MYT1L: variants seen among roughly 807,000 people sequenced by gnomAD.
The protein encoded by MYT1L is myelin transcription factor 1-like protein.
Under a neutral mutation model 126.7 loss-of-function variants are expected in MYT1L, and 12 were observed. The ratio of observed to expected loss-of-function variants is 0.09; its 90% CI spans 0.06 to 0.15. The LOEUF (loss-of-function observed/expected upper bound fraction) is 0.15, where lower values mean the gene tolerates loss of function less well. MYT1L is among the 10% of genes least tolerant of loss of function. The pLI is 1.00. For synonymous variants in MYT1L, 541 were observed against 604.2 expected (o/e 0.90, Z 1.53); for missense variants, 979 against 1,585.2 (o/e 0.62, Z 6.49).
rs1211687714 is a variant in MYT1L, at chr2:1,956,528, T to G, written c.153-13194A>C. On this transcript the variant is annotated intron_variant, in intron 8 of 24. Coordinates refer to ENST00000647738, the MANE Select transcript of MYT1L (RefSeq NM_001303052.2). ...CCTATTCTATCTATCTATCTATCTA[T>G]CTATCTATCTATCTATCTATCATCT... 2.8e-5 allele frequency among the ~76,000 whole-genome samples: 4 copies of G among 141,112 alleles called. 1 individual carries two copies. The highest frequency in any genetic ancestry group is 1.2e-4 in the African/African-American group (4 of 34,666). The allele number at this position is 141,112 out of a possible 152,430, so 92.6% of individuals were successfully genotyped here.
chr2:2,082,646 A>G (rs2075960423), intron 3 of MYT1L, among the ~76,000 whole-genome samples: 1 of 152,248 alleles, frequency 6.6e-6, no homozygotes, highest in Non-Finnish European at 1.5e-5. Context: ...GTGAGGGGAC[A>G]GAGTTCCAGG....
rs754015972 is a variant in MYT1L, at chr2:1,922,409, T to C, written c.1360A>G (p.Met454Val). The part of the protein sequence containing the change: ...RAKAMREKMA[M>V]EAGRRDNMRS... Reference sequence around the variant, plus strand: ...ATATTGTCCCTCCTCCCAGCTTCCATGGCCATCTTCTCCCTCATGGCCTTT... The same window carrying C: ...ATATTGTCCCTCCTCCCAGCTTCCACGGCCATCTTCTCCCTCATGGCCTTT... Residue 454 changes from methionine to valine, a missense_variant, in exon 10 of 25, where the codon ATG (methionine) becomes GTG (valine). Around this residue, in one of 12 missense-constraint regions of MYT1L, gnomAD observed 67 missense variants for 80.3 expected, o/e 0.83. Transcript: ENST00000647738. The surrounding 1 kb of genome is among the most constrained non-coding windows in gnomAD (Gnocchi z 7.4). The C allele has an allele frequency of 6.2e-7, 1 of 1,614,044 alleles. No individual in the cohort carries two copies. Among genetic ancestry groups the C allele is most frequent in the Non-Finnish European group, 8.5e-7 (1 of 1,179,906 alleles).
intron 8 of MYT1L, among the ~76,000 whole-genome samples, chr2:1,964,128 T>A (rs1436381462): frequency 6.6e-6 from 1 of 152,170 alleles, no homozygotes; most frequent in Non-Finnish European, 1.5e-5. Flanking sequence ...CTAATTTCAA[T>A]ATTATTGTGT....
At chr2:2,094,345 G>A (rs1029733411) in intron 3 of MYT1L, among the ~76,000 whole-genome samples, 5 of 152,210 alleles carry the variant, frequency 3.3e-5, no homozygotes, top group Non-Finnish European at 5.9e-5. Context: ...TTCAACCATT[G>A]TGGAAGACAG....
Position 2,228,197 on chromosome 2 carries a change from T to G in MYT1L, c.-420-55209A>C, listed in dbSNP as rs1169458035. Among the ~76,000 whole-genome samples, 2 of 152,208 alleles carry G rather than the reference T, an allele frequency of 1.3e-5. No homozygotes were observed. The highest frequency in any genetic ancestry group is 2.4e-5 in the African/African-American group (1 of 41,454). On this transcript the variant is annotated intron_variant, in intron 2 of 24. Transcript: ENST00000647738. This position sits in a 1 kb window ranked among gnomAD's most constrained non-coding sequence, Gnocchi z 5.9. ...ATAAAAGACAGGGCAAGGGGGTGAT[T>G]CTGTAATATACATTTTGTATCAGGT...
intron 18 of MYT1L, among the ~76,000 whole-genome samples, chr2:1,874,295 C>G (rs1442382069): frequency 6.6e-6 from 1 of 152,124 alleles, no homozygotes; most frequent in Non-Finnish European, 1.5e-5. Flanking sequence ...GGTTCCCCAT[C>G]TGTGAAATGG....
At chr2:2,262,934 C>CT (rs1553610367) in intron 2 of MYT1L, among the ~76,000 whole-genome samples, 1 of 34,896 alleles carries the variant, frequency 2.9e-5, no homozygotes, top group Non-Finnish European at 5.1e-5. Flanking sequence ...ATATATATAA[C>CT]CTGTGATATA....
chr2:2,070,397 G>A (rs901601556), intron 3 of MYT1L, among the ~76,000 whole-genome samples: 1 of 152,180 alleles, frequency 6.6e-6, no homozygotes, highest in Non-Finnish European at 1.5e-5. Context: ...TCAGGGTGGG[G>A]GAAGCCACTC....
chr2:2,019,902 G>A (rs920080932), intron 4 of MYT1L, among the ~76,000 whole-genome samples: 11 of 152,080 alleles, frequency 7.2e-5, no homozygotes, highest in African/African-American at 2.7e-4. Flanking sequence ...CTGGAGTGCA[G>A]TAGCAGATCT....
intron 3 of MYT1L, among the ~76,000 whole-genome samples, chr2:2,117,052 T>C (rs2080305318): frequency 1.3e-5 from 2 of 152,302 alleles, no homozygotes; most frequent in Non-Finnish European, 2.9e-5. Flanking sequence ...GGTTTCCACA[T>C]GGCAGCAGCT....
chr2:1,957,151 A>G (rs1041409393), intron 8 of MYT1L, among the ~76,000 whole-genome samples: 1 of 152,304 alleles, frequency 6.6e-6, no homozygotes, highest in South Asian at 2.1e-4. Context: ...GATAGGGTTC[A>G]CTGGGCGCGT....
At chr2:2,246,036 C>T (rs2149180069) in intron 2 of MYT1L, among the ~76,000 whole-genome samples, 1 of 152,290 alleles carries the variant, frequency 6.6e-6, no homozygotes, top group Non-Finnish European at 1.5e-5. Context: ...TGTAAGATAA[C>T]AAATTTGCAT....
intron 8 of MYT1L, among the ~76,000 whole-genome samples, chr2:1,971,846 G>A (rs1415179278): frequency 2.0e-5 from 3 of 152,126 alleles, no homozygotes; most frequent in African/African-American, 4.8e-5. Flanking sequence ...GGGTACTCAG[G>A]CCTCTGAGCA....
At chr2:2,246,912 G>A (rs1307191994) in intron 2 of MYT1L, among the ~76,000 whole-genome samples, 1 of 152,188 alleles carries the variant, frequency 6.6e-6, no homozygotes, top group Non-Finnish European at 1.5e-5. Context: ...GAGCATGGAG[G>A]CTGAGTGTCG....
At chr2:2,226,919 A>G (rs2094024522) in intron 2 of MYT1L, among the ~76,000 whole-genome samples, 1 of 152,176 alleles carries the variant, frequency 6.6e-6, no homozygotes, top group Non-Finnish European at 1.5e-5. Context: ...TCTCCCTTCC[A>G]TATTAACAAG....
chr2:2,145,807 T>G (rs573248040), intron 3 of MYT1L, among the ~76,000 whole-genome samples: 184 of 152,378 alleles, frequency 1.2e-3, no homozygotes, highest in Non-Finnish European at 2.0e-3. Context: ...GTTAATTATA[T>G]AAATTAATTT....
intron 8 of MYT1L, among the ~76,000 whole-genome samples, chr2:1,975,157 T>C (rs1045478135): frequency 1.3e-5 from 2 of 149,686 alleles, no homozygotes; most frequent in East Asian, 3.9e-4. Flanking sequence ...CCCGTAACTA[T>C]ACAACAATCA....
At chr2:2,094,170 G>A (rs1334692229) in intron 3 of MYT1L, among the ~76,000 whole-genome samples, 1 of 152,222 alleles carries the variant, frequency 6.6e-6, no homozygotes, top group Non-Finnish European at 1.5e-5. Context: ...ACTTGGCAAT[G>A]CTTGTCATCA....
rs1021878782 is a variant in MYT1L, at chr2:1,848,771, T to C, written c.2774+2870A>G. Among the ~76,000 whole-genome samples, 83 of 152,150 alleles carry C rather than the reference T, an allele frequency of 5.5e-4. No individual in the cohort carries two copies. The highest frequency in any genetic ancestry group is 1.9e-3 in the African/African-American group (79 of 41,446). ...TTTTGCTGGGGCCTCCATCTTCCTT[T>C]AGCGGGGGCTTTATGTAAGGACTGT... On this transcript the variant is annotated intron_variant, in intron 19 of 24. Coordinates refer to ENST00000647738, the MANE Select transcript of MYT1L (RefSeq NM_001303052.2). This position sits in a 1 kb window ranked among gnomAD's most constrained non-coding sequence, Gnocchi z 4.8.
Sources: allele counts gnomAD v4.1 joint callset (sites outside exome capture counted in the v4.1 genomes callset), GRCh38; gene constraint gnomAD v4.1.1; regional missense constraint gnomAD v4.1.1; non-coding constraint Gnocchi (gnomAD v3.1); transcripts MANE v1.5; gene names NCBI Gene and HGNC (gene_info 2026-07-23, HGNC 2026-07-21).